Variants in MTREX observed in about 807,000 individuals in gnomAD.
MTREX encodes exosome RNA helicase MTR4.
Under a neutral mutation model 135.4 loss-of-function variants are expected in MTREX, and 76 were observed. The ratio of observed to expected loss-of-function variants is 0.56; its 90% CI spans 0.47 to 0.68. The LOEUF is 0.68. Ranked by LOEUF, MTREX falls within the 30% of genes least tolerant of loss-of-function variation. The pLI is 0.00. For synonymous variants in MTREX, 404 were observed against 401.6 expected, an observed-to-expected ratio of 1.01 and a Z score of -0.07; for missense variants, 920 against 1,262.1, an observed-to-expected ratio of 0.73 and a Z score of 4.11.
Position 55,425,405 on chromosome 5 carries a change from G to C in MTREX, c.*633G>C. 1 of 1,356,004 alleles carries C rather than the reference G, an allele frequency of 7.4e-7. No individual in the cohort carries two copies. Among genetic ancestry groups the C allele is most frequent in the Non-Finnish European group, 1.0e-6 (1 of 982,320 alleles). 84.0% of individuals were successfully genotyped at this position (1,356,004 alleles called of 1,614,324 possible). A position where few individuals can be genotyped will look rare whatever the true frequency, so the allele number is the denominator to read the frequency against. On this transcript the variant is annotated 3_prime_UTR_variant, in exon 27 of 27. Transcript: ENST00000230640. The stretch of plus-strand genomic sequence containing the variant: ...ACTACATACAAAGTTGTGATCAACA[G>C]CATCCTAAGATAAATATAAACAAAA...
At chr5:55,416,154 A>G (rs369998259) in intron 25 of MTREX, 22 bp downstream of exon 25, 2 of 1,487,762 alleles carry the variant, frequency 1.3e-6, no homozygotes, top group African/African-American at 2.9e-5. Flanking sequence ...TTTTACACAT[A>G]TATATTTACA....
intron 25 of MTREX, among the ~76,000 whole-genome samples, chr5:55,416,718 TA>T (rs1229730965): frequency 2.6e-5 from 4 of 152,214 alleles, no homozygotes; most frequent in African/African-American, 9.6e-5. Context: ...AACGAAACCA[TA>T]TTTTAAAATG....
chr5:55,354,902 A>G (rs114013384), intron 14 of MTREX, among the ~76,000 whole-genome samples: 1 of 151,924 alleles, frequency 6.6e-6, no homozygotes, highest in African/African-American at 2.4e-5. Context: ...AACCGCACCC[A>G]CCTCCCACAG....
At chr5:55,354,472 C>T (rs1279197376) in intron 14 of MTREX, among the ~76,000 whole-genome samples, 1 of 152,196 alleles carries the variant, frequency 6.6e-6, no homozygotes, top group Non-Finnish European at 1.5e-5. Flanking sequence ...GTGATTCTCT[C>T]TGCTTGGAGA....
chr5:55,354,812 T>A (rs1488172203), intron 14 of MTREX, among the ~76,000 whole-genome samples: 1 of 152,108 alleles, frequency 6.6e-6, no homozygotes, highest in Middle Eastern at 3.2e-3. Context: ...GAGAGGGAAT[T>A]TGGGTTCCAG....
At position 55,327,786 on chromosome 5, in the gene MTREX, C is replaced by T; in HGVS notation, c.402+8C>T. The T allele has an allele frequency of 6.2e-7, 1 of 1,602,402 alleles. No individual in the cohort carries two copies. The highest frequency in any genetic ancestry group is 1.1e-5 in the South Asian group (1 of 90,770). On this transcript the variant is annotated splice_region_variant and intron_variant, in intron 4 of 26. Transcript: ENST00000230640. ...GTTGGAAAAGCTGCTAAGGTCTGTA[C>T]TTTGGGTAATACAGTTTATATAGTT...
At chr5:55,376,241 C>G (rs1440950141) in intron 16 of MTREX, among the ~76,000 whole-genome samples, 1 of 152,218 alleles carries the variant, frequency 6.6e-6, no homozygotes, top group Non-Finnish European at 1.5e-5. Context: ...TGTCCTTTGA[C>G]CATTTCCCAT....
At chr5:55,378,293 G>T (rs10035608) in intron 16 of MTREX, 21 bp from the exon 17 acceptor site, 2 of 1,558,080 alleles carry the variant, frequency 1.3e-6, no homozygotes, top group East Asian at 2.3e-5. Context: ...TTTTAATTTT[G>T]TACATGTGTT....
At chr5:55,342,952 A>G (rs1749674893) in intron 7 of MTREX, among the ~76,000 whole-genome samples, 3 of 152,048 alleles carry the variant, frequency 2.0e-5, no homozygotes, top group South Asian at 4.1e-4. Context: ...GCCGTCTGGA[A>G]TAGGAATAGT....
chr5:55,415,411 C>G (rs1750951947), intron 24 of MTREX, among the ~76,000 whole-genome samples: 13 of 151,904 alleles, frequency 8.6e-5, no homozygotes, highest in Admixed American at 8.5e-4. Flanking sequence ...ATTAAAAGGC[C>G]AGTTCAGTGG....
chr5:55,424,633 T>G (rs1751119317), intron 26 of MTREX, 87 bp from the exon 27 acceptor site: 5 of 861,110 alleles, frequency 5.8e-6, no homozygotes, highest in Admixed American at 5.5e-5. Flanking sequence ...TGAATCAGGG[T>G]TGGTATACTG....
At chr5:55,330,306 G>C (rs1342669297) in intron 5 of MTREX, among the ~76,000 whole-genome samples, 1 of 151,906 alleles carries the variant, frequency 6.6e-6, no homozygotes, top group Non-Finnish European at 1.5e-5. Context: ...AAACTCCTGG[G>C]CTCAAGTGAT....
At chr5:55,350,657 T>C (rs974974739) in intron 12 of MTREX, among the ~76,000 whole-genome samples, 2 of 152,176 alleles carry the variant, frequency 1.3e-5, no homozygotes, top group African/African-American at 4.8e-5. Context: ...TTTGAGGAGA[T>C]GAAGTGATGC....
At chr5:55,404,881 G>A (rs1270746686) in intron 21 of MTREX, among the ~76,000 whole-genome samples, 1 of 150,134 alleles carries the variant, frequency 6.7e-6, no homozygotes, top group African/African-American at 2.5e-5. Flanking sequence ...ACGGCTCAGT[G>A]CAACCTCTAC....
chr5:55,406,315 G>A (rs1293408214), intron 22 of MTREX, among the ~76,000 whole-genome samples: 1 of 152,158 alleles, frequency 6.6e-6, no homozygotes, highest in Non-Finnish European at 1.5e-5. Context: ...GAAACAGTAG[G>A]AGTCCGGAGC....
chr5:55,331,135 T>C (rs1326536431), intron 5 of MTREX, among the ~76,000 whole-genome samples: 1 of 152,192 alleles, frequency 6.6e-6, no homozygotes, highest in African/African-American at 2.4e-5. Context: ...TTAATATCCC[T>C]GTTTACTAAT....
At chr5:55,324,891 G>A (rs943841148) in intron 3 of MTREX, among the ~76,000 whole-genome samples, 4 of 152,156 alleles carry the variant, frequency 2.6e-5, no homozygotes, top group Non-Finnish European at 5.9e-5. Context: ...GCACAGAGTA[G>A]GTGTTTAGAG....
In MTREX at chr5:55,328,705, C is replaced by G; in HGVS notation, c.409C>G (p.Pro137Ala). The G allele has an allele frequency of 6.2e-7, 1 of 1,605,162 alleles. No homozygotes were observed. The highest frequency in any genetic ancestry group is 8.5e-7 in the Non-Finnish European group (1 of 1,172,804). The change falls in exon 5 of 27, where the codon CCG (proline) becomes GCG (alanine). Residue 137 changes from proline to alanine, a missense_variant. Around this residue, in one of 6 missense-constraint regions of MTREX, gnomAD observed 82 missense variants for 107.4 expected, o/e 0.76. Coordinates refer to ENST00000230640, the MANE Select transcript of MTREX (RefSeq NM_015360.5). ...TAATGTTTTGTTTTTATAGGAATAC[C>G]CGTTCATTCTTGATGCTTTTCAAAG... ...PRVGKAAKEY[P>A]FILDAFQREA...
Position 55,349,652 on chromosome 5 carries a change from G to A in MTREX, c.1320G>A (p.Gln440=), listed in dbSNP as rs1749796312. ...CLSDEDKKLP[Q]VEHVLPLLKR... ...CCGATGAAGATAAAAAACTCCCTCA[G>A]GTGAGTTTTCAGTATCAGTAGATAA... Residue 440 remains glutamine, a splice_region_variant and synonymous_variant, in exon 12 of 27, where the codon CAG becomes CAA. Transcript: ENST00000230640. 2.0e-6 allele frequency: 3 copies of A among 1,534,042 alleles called. No individual in the cohort carries two copies. The highest frequency in any genetic ancestry group is 2.2e-5 in the East Asian group (1 of 44,450).
Sources: gnomAD v4.1 joint callset for allele counts (sites outside exome capture counted in the v4.1 genomes callset) on GRCh38, gnomAD v4.1.1 for gene constraint, gnomAD v4.1.1 regional missense constraint, MANE v1.5 for transcripts, NCBI Gene and HGNC (gene_info 2026-07-23, HGNC 2026-07-21) for gene names.